The following LUZP2 variants were observed in gnomAD, a reference collection of about 807,000 sequenced individuals.
LUZP2 encodes leucine zipper protein 2.
LUZP2 carries 52 observed loss-of-function variants against 51.6 expected under a neutral mutation model. That is an observed-to-expected ratio of 1.01 (90% confidence interval 0.81 to 1.27). The LOEUF is 1.27. Ranked by LOEUF, LUZP2 falls within the 50% of genes most tolerant of loss-of-function variation. The probability of loss-of-function intolerance (pLI) is 0.00; values close to 1 mark genes in which losing one functional copy is unlikely to be tolerated. For synonymous variants in LUZP2, 154 were observed against 137.3 expected, an observed-to-expected ratio of 1.12 and a Z score of -0.85; for missense variants, 436 against 395.4, an observed-to-expected ratio of 1.10 and a Z score of -0.87.
intron 9 of LUZP2, among the ~76,000 whole-genome samples, chr11:25,034,419 T>G (rs1857788308): frequency 6.6e-6 from 1 of 152,160 alleles, no homozygotes; most frequent in Admixed American, 6.6e-5. Flanking sequence ...AGTTCTTTAG[T>G]TAAATTATAT....
chr11:24,606,948 C>A (rs148260160), intron 1 of LUZP2, among the ~76,000 whole-genome samples: 1 of 151,806 alleles, frequency 6.6e-6, no homozygotes, highest in Non-Finnish European at 1.5e-5. Context: ...TGTTTTCCTA[C>A]GAAAAATTTG....
chr11:24,929,456 A>C (rs11605002), intron 7 of LUZP2, among the ~76,000 whole-genome samples: 1 of 151,900 alleles, frequency 6.6e-6, no homozygotes, highest in Non-Finnish European at 1.5e-5. Context: ...TTAAATTTCC[A>C]TCTTGATATC....
intron 1 of LUZP2, among the ~76,000 whole-genome samples, chr11:24,711,216 A>G (rs549525611): frequency 6.0e-4 from 91 of 152,136 alleles, no homozygotes; most frequent in African/African-American, 1.5e-3. Flanking sequence ...TTGGGAGGCC[A>G]AGGCGGGCGG....
chr11:24,922,984 G>A (rs1434846126), intron 7 of LUZP2, among the ~76,000 whole-genome samples: 11 of 151,254 alleles, frequency 7.3e-5, no homozygotes, highest in Admixed American at 5.9e-4. Flanking sequence ...GAGTAGCTGG[G>A]ATTACAGGCA....
At chr11:24,906,548 C>T (rs982983279) in intron 6 of LUZP2, among the ~76,000 whole-genome samples, 6 of 152,082 alleles carry the variant, frequency 3.9e-5, no homozygotes, top group African/African-American at 1.4e-4. Flanking sequence ...AAATGTCATT[C>T]TGCTTAACAT....
chr11:24,656,790 G>T (rs1383065501), intron 1 of LUZP2, among the ~76,000 whole-genome samples: 1 of 152,170 alleles, frequency 6.6e-6, no homozygotes, highest in African/African-American at 2.4e-5. Context: ...TGCGCTCCGA[G>T]CCCCTCTGGT....
chr11:24,997,643 T>G (rs553146471), intron 9 of LUZP2, among the ~76,000 whole-genome samples: 111 of 152,118 alleles, frequency 7.3e-4, no homozygotes, highest in African/African-American at 2.5e-3. Context: ...ATTTGTCAAT[T>G]TTGGCTTTTG....
chr11:24,557,744 A>G (rs1876824), intron 1 of LUZP2, among the ~76,000 whole-genome samples: 151,306 of 152,296 alleles, frequency 0.99, 75,166 homozygotes, highest in East Asian at 1. Context: ...TAAATCTGTT[A>G]CATTTTTCAT....
At chr11:24,782,524 A>G (rs1042929283) in intron 5 of LUZP2, among the ~76,000 whole-genome samples, 1 of 152,030 alleles carries the variant, frequency 6.6e-6, no homozygotes, top group African/African-American at 2.4e-5. Flanking sequence ...CTGAAAAAAA[A>G]ATTCAGATTG....
At chr11:24,948,279 G>A (rs1251380731) in intron 7 of LUZP2, among the ~76,000 whole-genome samples, 1 of 151,138 alleles carries the variant, frequency 6.6e-6, no homozygotes, top group Non-Finnish European at 1.5e-5. Context: ...TTTCAGTAAT[G>A]ACAACTTCTT....
intron 1 of LUZP2, among the ~76,000 whole-genome samples, chr11:24,616,361 C>G (rs774498906): frequency 6.6e-6 from 1 of 151,888 alleles, no homozygotes; most frequent in South Asian, 2.1e-4. Flanking sequence ...TTACACTTAA[C>G]GCTGTGACCC....
intron 9 of LUZP2, among the ~76,000 whole-genome samples, chr11:25,009,914 A>C (rs1197990789): frequency 2.0e-5 from 3 of 152,002 alleles, no homozygotes; most frequent in African/African-American, 7.2e-5. Context: ...CTTTACTTTC[A>C]CTTTGAGCCA....
Position 25,078,803 on chromosome 11 carries a change from A to C in LUZP2, c.*145A>C. ...TTTATAAAGTAGCCTACACATTTTC[A>C]AAGATTCCAGACCAATTATGATCCT... On this transcript the variant is annotated 3_prime_UTR_variant, in exon 12 of 12. Coordinates refer to ENST00000336930, the MANE Select transcript of LUZP2 (RefSeq NM_001009909.4). 2 of 640,390 alleles carry C rather than the reference A, an allele frequency of 3.1e-6. No homozygotes were observed. The highest frequency in any genetic ancestry group is 5.3e-6 in the Non-Finnish European group (2 of 378,892). 39.7% of individuals were successfully genotyped at this position (640,390 alleles called of 1,614,324 possible).
In LUZP2 at chr11:24,917,652, T is replaced by C. The variant is rs1853837487; in HGVS notation, c.522+3114T>C. 2.6e-5 allele frequency among the ~76,000 whole-genome samples: 4 copies of C among 152,030 alleles called. No homozygotes were observed. The South Asian group carries it at 8.3e-4, about 32-fold the overall frequency. On this transcript the variant is annotated intron_variant, in intron 7 of 11. Coordinates refer to ENST00000336930, the MANE Select transcript of LUZP2 (RefSeq NM_001009909.4). ...CAAAGATCAGATGGTTGTAGATGTG[T>C]GGTATTATTTCTGAGGGCTCTGTTC...
intron 5 of LUZP2, 127 bp from the exon 6 acceptor site, chr11:24,905,864 T>G: frequency 3.5e-6 from 2 of 578,258 alleles, no homozygotes; most frequent in Non-Finnish European, 6.1e-6. Flanking sequence ...TTTACACCAA[T>G]CCATTACATT....
chr11:24,787,525 T>C (rs954587329), intron 5 of LUZP2, among the ~76,000 whole-genome samples: 12 of 152,160 alleles, frequency 7.9e-5, no homozygotes, highest in African/African-American at 2.4e-4. Flanking sequence ...GTGATTGTTT[T>C]TCATTTATAC....
At chr11:24,515,359 AC>A (rs61279222) in intron 1 of LUZP2, among the ~76,000 whole-genome samples, 17,438 of 152,132 alleles carry the variant, frequency 0.11, 1,155 homozygotes, top group African/African-American at 0.19. Flanking sequence ...ACTTTTTACA[AC>A]CAGCAAGAGG....
chr11:24,792,992 A>G (rs1182818006), intron 5 of LUZP2, among the ~76,000 whole-genome samples: 1 of 152,062 alleles, frequency 6.6e-6, no homozygotes. Context: ...TTCCAGATTC[A>G]TTGTCTTTCT....
intron 1 of LUZP2, among the ~76,000 whole-genome samples, chr11:24,682,543 ATG>A (rs1477761827): frequency 3.2e-4 from 46 of 144,100 alleles, no homozygotes; most frequent in African/African-American, 1.1e-3. Context: ...CAGTGTGTAT[ATG>A]TATATATACA....
Sources: gnomAD v4.1 joint callset for allele counts (sites outside exome capture counted in the v4.1 genomes callset) on GRCh38, gnomAD v4.1.1 for gene constraint, MANE v1.5 for transcripts, NCBI Gene and HGNC (gene_info 2026-07-23, HGNC 2026-07-21) for gene names.